ATP2B2: variants seen among roughly 807,000 people sequenced by gnomAD.
ATP2B2 encodes the protein ATPase plasma membrane Ca2+ transporting 2.
ATP2B2 carries 15 observed loss-of-function variants against 120.0 expected under a neutral mutation model. The ratio of observed to expected loss-of-function variants is 0.12; its 90% CI spans 0.08 to 0.19. The LOEUF is 0.19. Ranked by LOEUF, ATP2B2 falls within the 10% of genes least tolerant of loss-of-function variation. The pLI is 1.00. For synonymous variants in ATP2B2, 694 were observed against 700.3 expected, an observed-to-expected ratio of 0.99 and a Z score of 0.14; for missense variants, 1,045 against 1,719.8, an observed-to-expected ratio of 0.61 and a Z score of 6.94.
intron 5 of ATP2B2, chr3:10,394,434 A>C (rs1221860536): frequency 2.1e-6 from 1 of 470,534 alleles, no homozygotes; most frequent in Non-Finnish European, 4.4e-6. Flanking sequence ...TGGCTCAGAG[A>C]GCTTGAGTGA....
chr3:10,512,435 A>G (rs1404132794), intron 3 of ATP2B2, among the ~76,000 whole-genome samples: 1 of 147,948 alleles, frequency 6.8e-6, no homozygotes, highest in Admixed American at 6.7e-5. Flanking sequence ...ACCTCTGCTG[A>G]GCATATTCCT....
At position 10,358,611 on chromosome 3, in the gene ATP2B2, G is replaced by T. The variant is rs1047809591; in HGVS notation, c.2136+80C>A. On this transcript the variant is annotated intron_variant, in intron 14 of 22. Coordinates refer to ENST00000360273, the MANE Select transcript of ATP2B2 (RefSeq NM_001001331.4). ...GGAAACTGAGACTCAAAGAGGTGAA[G>T]TGACTTACTCCAGGTCACCCTGGTG... 4.9e-5 allele frequency: 67 copies of T among 1,355,354 alleles called. No homozygotes were observed. The East Asian group carries it at 8.4e-4, about 17-fold the overall frequency. 84.0% of individuals were successfully genotyped at this position (1,355,354 alleles called of 1,614,324 possible). A position where few individuals can be genotyped will look rare whatever the true frequency, so the allele number is the denominator to read the frequency against.
At chr3:10,699,059 C>T (rs947780941) in intron 1 of ATP2B2, among the ~76,000 whole-genome samples, 2 of 152,230 alleles carry the variant, frequency 1.3e-5, no homozygotes, top group East Asian at 3.8e-4. Context: ...CTCCGGCCTT[C>T]CAGCCCAGCC....
chr3:10,350,154 G>C lies in ATP2B2; in HGVS notation c.2362C>G (p.Leu788Val). 2 of 1,589,460 alleles carry C rather than the reference G, an allele frequency of 1.3e-6. No individual in the cohort carries two copies. Among genetic ancestry groups the C allele is most frequent in the Non-Finnish European group, 1.7e-6 (2 of 1,166,732 alleles). Residue 788 changes from leucine (L) to valine (V), a missense_variant, in exon 16 of 23, where the codon CTG becomes GTG. By Grantham distance (32) the Leu-to-Val change is conservative. Coordinates refer to ENST00000360273, the MANE Select transcript of ATP2B2 (RefSeq NM_001001331.4). ...IDKIWPKLRV[L>V]ARSSPTDKHT... ...TTGTCCGTTGGGGAGGAGCGAGCCAGCACCCGCAGCTTTGGCCAGATCTTG... is the reference window on the plus strand; with the variant it reads ...TTGTCCGTTGGGGAGGAGCGAGCCACCACCCGCAGCTTTGGCCAGATCTTG...
intron 1 of ATP2B2, among the ~76,000 whole-genome samples, chr3:10,702,961 G>C (rs1176039769): frequency 1.3e-5 from 2 of 152,066 alleles, no homozygotes; most frequent in Non-Finnish European, 2.9e-5. Context: ...TATTTCTCGG[G>C]TCACAGAGCC....
chr3:10,668,064 C>T (rs558233069), intron 1 of ATP2B2, among the ~76,000 whole-genome samples: 13 of 152,196 alleles, frequency 8.5e-5, no homozygotes, highest in East Asian at 1.9e-4. Flanking sequence ...TCCTGGCTTC[C>T]GACCTCCTGG....
intron 1 of ATP2B2, among the ~76,000 whole-genome samples, chr3:10,474,138 G>A (rs2065118059): frequency 6.6e-6 from 1 of 152,108 alleles, no homozygotes; most frequent in Non-Finnish European, 1.5e-5. Context: ...TTAGGAAGTG[G>A]AACCAGTAGG....
chr3:10,664,244 GAGA>G (rs1210601431), intron 1 of ATP2B2, among the ~76,000 whole-genome samples: 1 of 152,026 alleles, frequency 6.6e-6, no homozygotes, highest in Non-Finnish European at 1.5e-5. Context: ...TGTTTCTAAT[GAGA>G]AGATCATTAG....
intron 2 of ATP2B2, among the ~76,000 whole-genome samples, chr3:10,537,941 T>C (rs1205917029): frequency 6.6e-6 from 1 of 152,250 alleles, no homozygotes; most frequent in Non-Finnish European, 1.5e-5. Context: ...TGGTGGATTA[T>C]ATTAACTGGT....
At chr3:10,522,680 T>C (rs1226449155) in intron 3 of ATP2B2, among the ~76,000 whole-genome samples, 2 of 152,218 alleles carry the variant, frequency 1.3e-5, no homozygotes, top group African/African-American at 4.8e-5. Flanking sequence ...CATCCGTTTG[T>C]CTGGGATCTA....
At chr3:10,702,420 A>G (rs1355774238) in intron 1 of ATP2B2, among the ~76,000 whole-genome samples, 1 of 152,110 alleles carries the variant, frequency 6.6e-6, no homozygotes, top group Non-Finnish European at 1.5e-5. Flanking sequence ...TGAGGCAGGC[A>G]CTCTTAGGAT....
At position 10,375,888 on chromosome 3, in the gene ATP2B2, G is replaced by A. The variant is rs575372074; in HGVS notation, c.1202-244C>T. Among the ~76,000 whole-genome samples, 3 of 152,308 alleles carry A rather than the reference G, an allele frequency of 2.0e-5. No homozygotes were observed. The East Asian group carries it at 5.8e-4, about 29-fold the overall frequency. On this transcript the variant is annotated intron_variant, in intron 10 of 22. Coordinates refer to ENST00000360273, the MANE Select transcript of ATP2B2 (RefSeq NM_001001331.4). The surrounding 1 kb of genome is among the most constrained non-coding windows in gnomAD (Gnocchi z 4.2). ...CCCCAAGATTTTGTAAGGCTCAAAT[G>A]TGGTAATAACGCATGCAAAGTGCCC...
intron 22 of ATP2B2, chr3:10,336,051 C>A: frequency 6.7e-7 from 1 of 1,483,954 alleles, no homozygotes; most frequent in South Asian, 1.3e-5. Flanking sequence ...CCCCCATGTC[C>A]TCTGGTGCCC....
intron 3 of ATP2B2, among the ~76,000 whole-genome samples, chr3:10,409,598 A>G (rs986900063): frequency 2.6e-5 from 4 of 152,066 alleles, no homozygotes; most frequent in African/African-American, 9.7e-5. Flanking sequence ...TAAACCCTCT[A>G]TGGGAAGAGG....
intron 14 of ATP2B2, among the ~76,000 whole-genome samples, chr3:10,355,385 T>A (rs3774179): frequency 2.0e-5 from 3 of 152,010 alleles, no homozygotes; most frequent in Non-Finnish European, 4.4e-5. Context: ...TATATAGACA[T>A]CCCAGGGGTG....
chr3:10,487,859 T>C (rs2065754756), intron 1 of ATP2B2, among the ~76,000 whole-genome samples: 3 of 152,234 alleles, frequency 2.0e-5, no homozygotes, highest in Admixed American at 2.0e-4. Context: ...CCACTGCCTC[T>C]GAGTAAAATT....
At chr3:10,624,733 C>T (rs1351832491) in intron 1 of ATP2B2, among the ~76,000 whole-genome samples, 1 of 152,162 alleles carries the variant, frequency 6.6e-6, no homozygotes, top group Non-Finnish European at 1.5e-5. Flanking sequence ...TGAATGAATG[C>T]ATGAATGAAT....
At chr3:10,701,476 C>A (rs933571968) in intron 1 of ATP2B2, among the ~76,000 whole-genome samples, 2 of 152,188 alleles carry the variant, frequency 1.3e-5, no homozygotes, top group African/African-American at 4.8e-5. Context: ...GGCAAGGTGG[C>A]CTCATCCTAG....
chr3:10,395,000 C>T (rs748321910), intron 5 of ATP2B2, among the ~76,000 whole-genome samples: 5 of 152,190 alleles, frequency 3.3e-5, no homozygotes, highest in African/African-American at 4.8e-5. Flanking sequence ...TGGGGTCTGG[C>T]TTCCGCCCTG....
Sources: gnomAD v4.1 joint callset for allele counts (sites outside exome capture counted in the v4.1 genomes callset) on GRCh38, gnomAD v4.1.1 for gene constraint, Gnocchi (gnomAD v3.1) non-coding constraint, MANE v1.5 for transcripts, NCBI Gene and HGNC (gene_info 2026-07-23, HGNC 2026-07-21) for gene names.